The following PUS7 variants were observed in gnomAD, a reference collection of about 807,000 sequenced individuals.
The protein encoded by PUS7 is pseudouridine synthase 7, also known as pseudouridylate synthase 7 homolog.
Under a neutral mutation model 79.8 loss-of-function variants are expected in PUS7, and 48 were observed. The ratio of observed to expected loss-of-function variants is 0.60; its 90% CI spans 0.48 to 0.76. PUS7 has a LOEUF of 0.76. Among genes scored for constraint, PUS7 ranks in the 30% least tolerant of loss-of-function variants. PUS7 has a pLI of 0.00. For missense variants in PUS7, 729 were observed against 797.6 expected, an observed-to-expected ratio of 0.91 and a Z score of 1.04; for synonymous variants, 286 against 272.2, an observed-to-expected ratio of 1.05 and a Z score of -0.50.
intron 13 of PUS7, 75 bp from the exon 14 acceptor site, chr7:105,462,825 G>A: frequency 7.2e-7 from 1 of 1,385,044 alleles, no homozygotes. Context: ...TATAAAGAGA[G>A]TAACAATGTA....
Position 105,465,450 on chromosome 7 carries a change from T to C in PUS7, c.1526-36A>G, listed in dbSNP as rs774345103. ...ACAAGTGAACAATAAATTAAGAAAA[T>C]AGGCAATATTGTTATGAACTCAATC... On this transcript the variant is annotated intron_variant, in intron 12 of 15. Transcript: ENST00000469408. 3.4e-5 allele frequency: 49 copies of C among 1,425,730 alleles called. No homozygotes were observed. In the South Asian group the frequency reaches 5.0e-4, roughly 15 times the overall value. The allele number at this position is 1,425,730 out of a possible 1,614,324, so 88.3% of individuals were successfully genotyped here.
At chr7:105,513,078 T>C (rs1825760762) in intron 1 of PUS7, among the ~76,000 whole-genome samples, 1 of 152,160 alleles carries the variant, frequency 6.6e-6, no homozygotes, top group African/African-American at 2.4e-5. Flanking sequence ...AGTCCTGTGG[T>C]GTTGCAGGTT....
intron 4 of PUS7, among the ~76,000 whole-genome samples, chr7:105,505,737 T>C (rs1391076745): frequency 6.6e-6 from 1 of 152,198 alleles, no homozygotes; most frequent in Non-Finnish European, 1.5e-5. Context: ...TAAAAATGTT[T>C]TTAAACAAAA....
At position 105,472,144 on chromosome 7, in the gene PUS7, G is replaced by T; in HGVS notation, c.1225C>A (p.Pro409Thr). ...ATTTTATTCTCACCTCCAGAGCGGG[G>T]TTTCAATATTAAATCCATGACTTCT... ...WTEVMDLILKPRSGAEKGYLV... is the reference protein window; with the variant it reads ...WTEVMDLILKTRSGAEKGYLV... Residue 409 changes from proline to threonine, a missense_variant, in exon 10 of 16, where the codon CCC becomes ACC. Coordinates refer to ENST00000469408, the MANE Select transcript of PUS7 (RefSeq NM_019042.5). 1 of 1,597,412 alleles carries T rather than the reference G, an allele frequency of 6.3e-7. No homozygotes were observed. The highest frequency in any genetic ancestry group is 2.2e-5 in the East Asian group (1 of 44,604).
chr7:105,475,465 G>C (rs533558100), intron 9 of PUS7, among the ~76,000 whole-genome samples: 13 of 151,866 alleles, frequency 8.6e-5, no homozygotes, highest in Non-Finnish European at 5.9e-5. Context: ...GATTACAGGC[G>C]TCAGCCACCG....
rs993034591 is a variant in PUS7, at chr7:105,505,040, G to A, written c.585+915C>T. 1.3e-4 allele frequency among the ~76,000 whole-genome samples: 19 copies of A among 142,358 alleles called. 2 individuals carry two copies. The highest frequency in any genetic ancestry group is 7.7e-4 in the South Asian group (3 of 3,906). The allele number at this position is 142,358 out of a possible 152,430, so 93.4% of individuals were successfully genotyped here. ...TTTTGATATGGAGTCTCGCTCTGCC[G>A]CCCAGGCTGGAGTGCAGTGGTATGA... On this transcript the variant is annotated intron_variant, in intron 4 of 15. Transcript: ENST00000469408.
chr7:105,461,133 G>T (rs1346244223), intron 14 of PUS7, among the ~76,000 whole-genome samples: 1 of 152,128 alleles, frequency 6.6e-6, no homozygotes, highest in East Asian at 1.9e-4. Flanking sequence ...TTCCAATAAA[G>T]TATTTTTAAA....
Position 105,458,198 on chromosome 7 carries a change from A to T in PUS7, c.1850-272T>A, listed in dbSNP as rs529495379. ...ACGCATGTAAAGTTAAAGAAATAATAATAAATTACGGCCTGGGAAAAAACA... is the reference window on the plus strand; with the variant it reads ...ACGCATGTAAAGTTAAAGAAATAATTATAAATTACGGCCTGGGAAAAAACA... On this transcript the variant is annotated intron_variant, in intron 15 of 15. Coordinates refer to ENST00000469408, the MANE Select transcript of PUS7 (RefSeq NM_019042.5). Among the ~76,000 whole-genome samples, 155 of 152,288 alleles carry T rather than the reference A, an allele frequency of 1.0e-3. 3 individuals are homozygous for T. In the Middle Eastern group the frequency reaches 0.01, roughly 10 times the overall value.
In PUS7 at chr7:105,470,840, C is replaced by A. The variant is rs781027458; in HGVS notation, c.1246G>T (p.Gly416Cys). 4.4e-6 allele frequency: 7 copies of A among 1,589,088 alleles called. No individual in the cohort carries two copies. The highest frequency in any genetic ancestry group is 6.0e-6 in the Non-Finnish European group (7 of 1,163,964). ...ILKPRSGAEKGYLVKCREEWA... is the reference protein window; with the variant it reads ...ILKPRSGAEKCYLVKCREEWA... Reference sequence around the variant, plus strand: ...TCTTCTCTGCATTTAACCAAGTAGCCCTTTTCAGCTGCGGGGGGAAAAAGC... The same window carrying A: ...TCTTCTCTGCATTTAACCAAGTAGCACTTTTCAGCTGCGGGGGGAAAAAGC... The change falls in exon 11 of 16, where the codon GGC becomes TGC. Residue 416 changes from glycine to cysteine, a missense_variant. Transcript: ENST00000469408.
intron 5 of PUS7, chr7:105,496,988 C>A: frequency 8.3e-7 from 1 of 1,204,352 alleles, no homozygotes; most frequent in Non-Finnish European, 1.1e-6. Flanking sequence ...AAATGCACAG[C>A]ATAAAGAGCA....
intron 1 of PUS7, among the ~76,000 whole-genome samples, chr7:105,509,619 T>C (rs1016248703): frequency 1.3e-5 from 2 of 152,024 alleles, no homozygotes; most frequent in Non-Finnish European, 2.9e-5. Context: ...TACAGCAGCA[T>C]GCCACCAAGC....
chr7:105,498,720 T>C (rs1825134173), intron 5 of PUS7, among the ~76,000 whole-genome samples: 2 of 152,130 alleles, frequency 1.3e-5, no homozygotes, highest in South Asian at 4.1e-4. Flanking sequence ...CTCCATCCAT[T>C]ATCTTTATTT....
chr7:105,495,321 C>G, intron 5 of PUS7, 68 bp from the exon 6 acceptor site: 1 of 893,676 alleles, frequency 1.1e-6, no homozygotes, highest in Non-Finnish European at 1.8e-6. Context: ...GCTCATTTTT[C>G]GCTATAGAAC....
chr7:105,494,336 T>C (rs1324851051), intron 6 of PUS7, among the ~76,000 whole-genome samples: 3 of 151,408 alleles, frequency 2.0e-5, no homozygotes, highest in Non-Finnish European at 4.4e-5. Flanking sequence ...AAGAAAACTA[T>C]CCTCACGGCC....
chr7:105,510,224 C>A (rs1825649484), intron 1 of PUS7, among the ~76,000 whole-genome samples: 1 of 152,000 alleles, frequency 6.6e-6, no homozygotes, highest in Non-Finnish European at 1.5e-5. Context: ...CACTTGAAAC[C>A]AGGAGGTGGA....
At chr7:105,485,435 C>T (rs1456952570) in intron 7 of PUS7, among the ~76,000 whole-genome samples, 1 of 152,178 alleles carries the variant, frequency 6.6e-6, no homozygotes, top group African/African-American at 2.4e-5. Flanking sequence ...GTCTTGAACT[C>T]CTGACCTCAG....
chr7:105,473,521 C>T (rs941201796), intron 9 of PUS7, among the ~76,000 whole-genome samples: 1 of 151,562 alleles, frequency 6.6e-6, no homozygotes, highest in African/African-American at 2.4e-5. Context: ...CGGGTCCAAG[C>T]GATTCTTGTG....
rs111848173 is a variant in PUS7, at chr7:105,488,889, C to T, written c.920+2651G>A. ...ATAGGCAGAGCCCAGTGGCTCACGCCTGTAATCCCAGCACTTTGGGAGGCC... is the reference window on the plus strand; with the variant it reads ...ATAGGCAGAGCCCAGTGGCTCACGCTTGTAATCCCAGCACTTTGGGAGGCC... On this transcript the variant is annotated intron_variant, in intron 7 of 15. Transcript: ENST00000469408. Among the ~76,000 whole-genome samples, 798 of 152,238 alleles carry T rather than the reference C, an allele frequency of 5.2e-3. 14 individuals carry two copies. Among genetic ancestry groups the T allele is most frequent in the African/African-American group, 0.018 (749 of 41,544 alleles).
chr7:105,467,674 A>C (rs538411262), intron 12 of PUS7, among the ~76,000 whole-genome samples: 474 of 152,042 alleles, frequency 3.1e-3, no homozygotes, highest in African/African-American at 0.011. Flanking sequence ...TTCGAAAGTG[A>C]TTTCAGCCAT....
Sources: gnomAD v4.1 joint callset for allele counts (sites outside exome capture counted in the v4.1 genomes callset) on GRCh38, gnomAD v4.1.1 for gene constraint, MANE v1.5 for transcripts, NCBI Gene and HGNC (gene_info 2026-07-23, HGNC 2026-07-21) for gene names.